GALNT9: variants seen among roughly 807,000 people sequenced by gnomAD.
GALNT9 encodes GalNAc transferase 9.
GALNT9 carries 47 observed loss-of-function variants against 63.1 expected under a neutral mutation model. The ratio of observed to expected loss-of-function variants is 0.75; its 90% CI spans 0.59 to 0.95. The LOEUF is 0.95. Ranked by LOEUF, GALNT9 falls within the 40% of genes least tolerant of loss-of-function variation. The pLI, the probability that GALNT9 is intolerant of heterozygous loss-of-function variation, is 0.00. For synonymous variants in GALNT9, 396 were observed against 365.7 expected (o/e 1.08, Z -0.94); for missense variants, 829 against 874.8 (o/e 0.95, Z 0.66).
At chr12:132,308,540 G>A (rs1414715137) in intron 1 of GALNT9, among the ~76,000 whole-genome samples, 1 of 152,182 alleles carries the variant, frequency 6.6e-6, no homozygotes, top group African/African-American at 2.4e-5. Context: ...AGGCCTTGCG[G>A]GATGTGGGGC....
At position 132,306,260 on chromosome 12, in the gene GALNT9, T is replaced by C. The variant is rs150667150; in HGVS notation, c.239-19830A>G. 2.5e-3 allele frequency among the ~76,000 whole-genome samples: 385 copies of C among 152,328 alleles called. 1 individual carries two copies. The highest frequency in any genetic ancestry group is 8.9e-3 in the African/African-American group (370 of 41,590). On this transcript the variant is annotated intron_variant, in intron 1 of 10. Coordinates refer to ENST00000328957, the MANE Select transcript of GALNT9 (RefSeq NM_001122636.2). ...CCCGGGCCTCCCCACGGAGCTGACA[T>C]AACTGCCGGGGCGTGGCCTGGACGC...
chr12:132,241,717 C>A (rs1228279709), intron 6 of GALNT9, among the ~76,000 whole-genome samples: 52 of 75,984 alleles, frequency 6.8e-4, no homozygotes, highest in African/African-American at 1.8e-3. Context: ...ACACCCTTCC[C>A]GGGGCCCTCC....
intron 3 of GALNT9, among the ~76,000 whole-genome samples, chr12:132,261,484 G>C (rs1308396075): frequency 6.6e-6 from 1 of 152,228 alleles, no homozygotes; most frequent in Non-Finnish European, 1.5e-5. Context: ...CTGGGGGCAG[G>C]GTGTCCTGAT....
At chr12:132,222,781 G>A (rs1877502193) in intron 6 of GALNT9, among the ~76,000 whole-genome samples, 1 of 151,640 alleles carries the variant, frequency 6.6e-6, no homozygotes, top group African/African-American at 2.4e-5. Flanking sequence ...CTGAGGAGGA[G>A]ATACGGACGC....
chr12:132,312,957 G>A (rs369571435), intron 1 of GALNT9, among the ~76,000 whole-genome samples: 4 of 152,076 alleles, frequency 2.6e-5, no homozygotes, highest in Admixed American at 1.3e-4. Context: ...GTCTTCTCTC[G>A]TAGTCCAGCA....
Position 132,319,019 on chromosome 12 carries a change from C to T in GALNT9, c.238+9947G>A, listed in dbSNP as rs577081079. Among the ~76,000 whole-genome samples the T allele has an allele frequency of 1.1e-3, 169 of 152,328 alleles. No individual in the cohort carries two copies. The highest frequency in any genetic ancestry group is 1.4e-3 in the Non-Finnish European group (97 of 68,034). ...GCACGGGTCCTTTGGACTTCGGCAG[C>T]GACTCTCTGGGAGGGAGGAGCAGAG... On this transcript the variant is annotated intron_variant, in intron 1 of 10. Coordinates refer to ENST00000328957, the MANE Select transcript of GALNT9 (RefSeq NM_001122636.2). The surrounding 1 kb of genome is among the most constrained non-coding windows in gnomAD (Gnocchi z 5.2).
intron 9 of GALNT9, among the ~76,000 whole-genome samples, chr12:132,198,344 A>G (rs1875702247): frequency 6.6e-6 from 1 of 152,184 alleles, no homozygotes; most frequent in Non-Finnish European, 1.5e-5. Context: ...CCGTGGGGTT[A>G]GAAACGTCCA....
At position 132,252,058 on chromosome 12, in the gene GALNT9, T is replaced by C. The variant is rs938953929; in HGVS notation, c.960-4031A>G. The stretch of plus-strand genomic sequence containing the variant: ...TCCCAGGAATCCTCCGTGATGAGGA[T>C]GGTCCCCAGCGTCTGTCTGGGAGAA... On this transcript the variant is annotated intron_variant, in intron 5 of 10. Transcript: ENST00000328957. The surrounding 1 kb of genome is among the most constrained non-coding windows in gnomAD (Gnocchi z 5.2). Among the ~76,000 whole-genome samples, 1 of 152,166 alleles carries C rather than the reference T, an allele frequency of 6.6e-6. No individual in the cohort carries two copies. The highest frequency in any genetic ancestry group is 1.9e-4 in the East Asian group (1 of 5,194).
intron 8 of GALNT9, chr12:132,200,748 A>G (rs1003404358): frequency 1.3e-5 from 3 of 236,552 alleles, no homozygotes; most frequent in Non-Finnish European, 2.5e-5. Context: ...ATGTATCCCT[A>G]TGTACACATA....
chr12:132,203,355 CACACAACTGCTT>C (rs1482289103), intron 7 of GALNT9, 138 bp downstream of exon 7: 1 of 662,804 alleles, frequency 1.5e-6, no homozygotes, highest in Admixed American at 3.0e-5. Flanking sequence ...CACACCTGCA[CACACAACTGCTT>C]GCACCTGTGC....
At chr12:132,225,925 C>G (rs1430498181) in intron 6 of GALNT9, among the ~76,000 whole-genome samples, 8 of 143,666 alleles carry the variant, frequency 5.6e-5, no homozygotes, top group Admixed American at 1.4e-4. Context: ...TGTACATATA[C>G]AACCCACACA....
intron 6 of GALNT9, among the ~76,000 whole-genome samples, chr12:132,239,179 G>A (rs1466475049): frequency 1.3e-5 from 2 of 149,926 alleles, no homozygotes; most frequent in African/African-American, 5.0e-5. Context: ...CCCAGGAGCT[G>A]TGTGGGGGTG....
chr12:132,309,455 G>T (rs1267657236), intron 1 of GALNT9, among the ~76,000 whole-genome samples: 1 of 152,224 alleles, frequency 6.6e-6, no homozygotes, highest in Non-Finnish European at 1.5e-5. Context: ...GTGGGAGTAA[G>T]GTCTTTCCAG....
intron 1 of GALNT9, among the ~76,000 whole-genome samples, chr12:132,304,418 C>T (rs1593116563): frequency 8.9e-6 from 1 of 112,338 alleles, no homozygotes; most frequent in Non-Finnish European, 1.8e-5. Context: ...GACACGCCCT[C>T]ACCCGGGCAC....
At chr12:132,328,932 G>T (rs1169857083) in intron 1 of GALNT9, 34 bp downstream of exon 1, 1 of 1,489,178 alleles carries the variant, frequency 6.7e-7, no homozygotes, top group Non-Finnish European at 8.9e-7. Context: ...CCCGGGCAGG[G>T]CTGCCCCCAC....
At chr12:132,258,616 G>GC (rs1249489269) in intron 4 of GALNT9, among the ~76,000 whole-genome samples, 8 of 152,326 alleles carry the variant, frequency 5.3e-5, no homozygotes, top group Non-Finnish European at 1.0e-4. Flanking sequence ...CTGCACCGAA[G>GC]CCCGGGCGTG....
In GALNT9 at chr12:132,296,526, G is replaced by T. The variant is rs1555243265; in HGVS notation, c.239-10096C>A. ...AGCTTGTCATCTTATCCTTGAATAA[G>T]ATGTAATTTTGAGAATAATGGGAAA... On this transcript the variant is annotated intron_variant, in intron 1 of 10. Transcript: ENST00000328957. The surrounding 1 kb of genome is among the most constrained non-coding windows in gnomAD (Gnocchi z 4.2). Among the ~76,000 whole-genome samples, 3 of 152,320 alleles carry T rather than the reference G, an allele frequency of 2.0e-5. No homozygotes were observed. The East Asian group carries it at 5.8e-4, about 29-fold the overall frequency.
At position 132,327,076 on chromosome 12, in the gene GALNT9, G is replaced by A. The variant is rs868986526; in HGVS notation, c.238+1890C>T. ...CTCATCACAGAGGGGGACGAAACTC[G>A]GCCTCATCAAAAGGTTGAGGGCAAA... On this transcript the variant is annotated intron_variant, in intron 1 of 10. Coordinates refer to ENST00000328957, the MANE Select transcript of GALNT9 (RefSeq NM_001122636.2). The surrounding 1 kb of genome is among the most constrained non-coding windows in gnomAD (Gnocchi z 4.3). Among the ~76,000 whole-genome samples, 3 of 152,120 alleles carry A rather than the reference G, an allele frequency of 2.0e-5. No individual in the cohort carries two copies. The highest frequency in any genetic ancestry group is 1.9e-4 in the East Asian group (1 of 5,190).
intron 6 of GALNT9, among the ~76,000 whole-genome samples, chr12:132,240,930 C>G (rs1480333768): frequency 7.4e-6 from 1 of 135,532 alleles, no homozygotes; most frequent in Admixed American, 7.2e-5. Context: ...ATCCCCATTA[C>G]ACACACGCCA....
Sources: allele counts gnomAD v4.1 joint callset (sites outside exome capture counted in the v4.1 genomes callset), GRCh38; gene constraint gnomAD v4.1.1; non-coding constraint Gnocchi (gnomAD v3.1); transcripts MANE v1.5; gene names NCBI Gene and HGNC (gene_info 2026-07-23, HGNC 2026-07-21).